The following GABPB2 variants were observed in gnomAD, a reference collection of about 807,000 sequenced individuals.
GABPB2 encodes the protein GA-binding protein subunit beta-2.
A neutral mutation model predicts 39.1 loss-of-function variants in GABPB2; 23 were observed. That is an observed-to-expected ratio of 0.59 (90% confidence interval 0.42 to 0.83). The LOEUF is 0.83. Among genes scored for constraint, GABPB2 ranks in the 40% least tolerant of loss-of-function variants. The pLI is 0.00. For synonymous variants in GABPB2, 184 were observed against 199.3 expected, an observed-to-expected ratio of 0.92 and a Z score of 0.65; for missense variants, 467 against 541.1, an observed-to-expected ratio of 0.86 and a Z score of 1.36.
At chr1:151,092,385 G>A (rs587635177) in intron 3 of GABPB2, among the ~76,000 whole-genome samples, 4 of 151,254 alleles carry the variant, frequency 2.6e-5, no homozygotes, top group Non-Finnish European at 5.9e-5. Flanking sequence ...GATTACAGGC[G>A]TGAGCCACCG....
chr1:151,118,431 A>C lies in GABPB2; in HGVS notation c.*175A>C. 1 of 578,124 alleles carries C rather than the reference A, an allele frequency of 1.7e-6. No homozygotes were observed. Among genetic ancestry groups the C allele is most frequent in the Non-Finnish European group, 2.9e-6 (1 of 346,796 alleles). 35.8% of individuals were successfully genotyped at this position (578,124 alleles called of 1,614,324 possible). A position where few individuals can be genotyped will look rare whatever the true frequency, so the allele number is the denominator to read the frequency against. ...GTGCAACTAGAAAATTCAAAGCCAT[A>C]TTTAGGGAACATTTTTTCTGAGGGG... is the stretch of plus-strand genomic sequence containing the variant. On this transcript the variant is annotated 3_prime_UTR_variant, in exon 9 of 9. Coordinates refer to ENST00000368918, the MANE Select transcript of GABPB2 (RefSeq NM_144618.3).
intron 1 of GABPB2, among the ~76,000 whole-genome samples, chr1:151,078,350 T>G (rs1677366487): frequency 1.3e-5 from 2 of 151,382 alleles, no homozygotes; most frequent in Non-Finnish European, 3.0e-5. Context: ...TCCCAGCACT[T>G]TGGGAGGCCA....
chr1:151,097,159 G>A (rs1050931697), intron 4 of GABPB2, among the ~76,000 whole-genome samples: 8 of 151,876 alleles, frequency 5.3e-5, no homozygotes, highest in African/African-American at 1.5e-4. Context: ...TGGTCCACCC[G>A]CCTCAGCCTC....
chr1:151,076,327 C>T (rs1009252560), intron 1 of GABPB2, among the ~76,000 whole-genome samples: 2 of 152,176 alleles, frequency 1.3e-5, no homozygotes, highest in African/African-American at 4.8e-5. Context: ...CCTTTTGTTT[C>T]TTGTGAGCAG....
chr1:151,102,181 C>T (rs1342821866), intron 5 of GABPB2, among the ~76,000 whole-genome samples: 2 of 152,132 alleles, frequency 1.3e-5, no homozygotes, highest in South Asian at 2.1e-4. Context: ...ATTAGCTGGG[C>T]GTGGTGGTGC....
At chr1:151,117,877 C>G (rs1053084891) in intron 8 of GABPB2, 80 bp from the exon 9 acceptor site, 1 of 1,384,958 alleles carries the variant, frequency 7.2e-7, no homozygotes, top group Non-Finnish European at 1.0e-6. Flanking sequence ...AGGCACCGCT[C>G]CTGGCCTGTC....
chr1:151,097,258 G>T (rs1330364620), intron 4 of GABPB2, among the ~76,000 whole-genome samples: 1 of 152,192 alleles, frequency 6.6e-6, no homozygotes, highest in Non-Finnish European at 1.5e-5. Context: ...CATAGAGGTT[G>T]ATTGAATTGT....
At chr1:151,116,635 T>A (rs1571999833) in intron 7 of GABPB2, among the ~76,000 whole-genome samples, 1 of 152,046 alleles carries the variant, frequency 6.6e-6, no homozygotes, top group African/African-American at 2.4e-5. Context: ...TAAGACAGGG[T>A]CTCATTCTGT....
intron 4 of GABPB2, among the ~76,000 whole-genome samples, chr1:151,096,099 T>C (rs932314114): frequency 2.0e-5 from 3 of 150,894 alleles, no homozygotes; most frequent in Admixed American, 6.6e-5. Flanking sequence ...CATTTGAAGC[T>C]CTTAGTCAAG....
chr1:151,099,341 G>A (rs1214096523), intron 5 of GABPB2, among the ~76,000 whole-genome samples: 1 of 151,904 alleles, frequency 6.6e-6, no homozygotes, highest in Non-Finnish European at 1.5e-5. Flanking sequence ...GGGACTACAG[G>A]CATGTGCCAC....
Position 151,074,530 on chromosome 1 carries a change from A to G in GABPB2, c.-1+3596A>G, listed in dbSNP as rs587647899. Among the ~76,000 whole-genome samples, 8 of 144,934 alleles carry G rather than the reference A, an allele frequency of 5.5e-5. No homozygotes were observed. In the South Asian group the frequency reaches 1.8e-3, roughly 32 times the overall value. On this transcript the variant is annotated intron_variant, in intron 1 of 8. Coordinates refer to ENST00000368918, the MANE Select transcript of GABPB2 (RefSeq NM_144618.3). ...GAGACGGGGTTTCACCACGTTAGCC[A>G]GGATGGTCTCGATCTCCTGACCTCA...
intron 7 of GABPB2, among the ~76,000 whole-genome samples, chr1:151,109,647 C>A (rs1014561725): frequency 2.0e-5 from 3 of 151,834 alleles, no homozygotes; most frequent in Non-Finnish European, 4.4e-5. Context: ...GCGTGAGCCA[C>A]CACACCCGGC....
chr1:151,093,439 T>A, intron 4 of GABPB2, 53 bp downstream of exon 4: 12 of 1,415,140 alleles, frequency 8.5e-6, no homozygotes, highest in Non-Finnish European at 8.5e-6. Flanking sequence ...GTTAAGGATT[T>A]TTTTGTAGGA....
chr1:151,090,265 T>G, intron 2 of GABPB2, 141 bp from the exon 3 acceptor site: 1 of 775,060 alleles, frequency 1.3e-6, no homozygotes, highest in Non-Finnish European at 2.0e-6. Context: ...ATTTGTAAAT[T>G]TAAGCATTTT....
intron 7 of GABPB2, among the ~76,000 whole-genome samples, chr1:151,109,227 G>A (rs1428561564): frequency 6.6e-6 from 1 of 150,648 alleles, no homozygotes; most frequent in African/African-American, 2.4e-5. Flanking sequence ...AGGTTGAAAC[G>A]AAGGGTACTG....
At chr1:151,100,930 A>G (rs1679469157) in intron 5 of GABPB2, among the ~76,000 whole-genome samples, 1 of 152,010 alleles carries the variant, frequency 6.6e-6, no homozygotes, top group Admixed American at 6.6e-5. Context: ...ATATTTAAGC[A>G]TAGGTAGTGG....
intron 4 of GABPB2, among the ~76,000 whole-genome samples, chr1:151,094,033 T>C (rs1250176377): frequency 6.8e-6 from 1 of 147,444 alleles, no homozygotes; most frequent in Non-Finnish European, 1.5e-5. Flanking sequence ...TTAACTGTGA[T>C]GATTTCGTCC....
In GABPB2 at chr1:151,080,243, A is replaced by C. The variant is rs1260442800; in HGVS notation, c.1-7947A>C. ...AAAAAAAAAAAAAAAAAAAAAAAAA[A>C]ACAATAATTAGCTGGGTATGGTGGT... On this transcript the variant is annotated intron_variant, in intron 1 of 8. Coordinates refer to ENST00000368918, the MANE Select transcript of GABPB2 (RefSeq NM_144618.3). 2.3e-4 allele frequency among the ~76,000 whole-genome samples: 34 copies of C among 148,072 alleles called. 1 individual carries two copies. The highest frequency in any genetic ancestry group is 3.3e-4 in the Non-Finnish European group (22 of 67,350).
rs1347790076 is a variant in GABPB2, at chr1:151,118,977, A to G, written c.*721A>G. The stretch of plus-strand genomic sequence containing the variant: ...AGAAATTTTTGATTGTCTGACAGAT[A>G]CTTATCCATTATGTGTCTATAGTTC... On this transcript the variant is annotated 3_prime_UTR_variant, in exon 9 of 9. Transcript: ENST00000368918. 2 of 152,180 alleles carry G rather than the reference A, an allele frequency of 1.3e-5. No individual in the cohort carries two copies. The highest frequency in any genetic ancestry group is 2.9e-5 in the Non-Finnish European group (2 of 68,048). 9.4% of individuals were successfully genotyped at this position (152,180 alleles called of 1,614,324 possible).
Sources: allele counts gnomAD v4.1 joint callset (sites outside exome capture counted in the v4.1 genomes callset), GRCh38; gene constraint gnomAD v4.1.1; transcripts MANE v1.5; gene names NCBI Gene and HGNC (gene_info 2026-07-23, HGNC 2026-07-21).